MYDGF: variants seen among roughly 807,000 people sequenced by gnomAD.
The protein encoded by MYDGF is myeloid derived growth factor.
MYDGF carries 29 observed loss-of-function variants against 24.2 expected under a neutral mutation model. The observed-to-expected ratio is 1.20, with a 90% CI of 0.89 to 1.63. The LOEUF (loss-of-function observed/expected upper bound fraction) is 1.63. Among genes scored for constraint, MYDGF ranks in the 40% most tolerant of loss-of-function variants. The pLI is 0.00. For synonymous variants in MYDGF, 105 were observed against 102.5 expected, an observed-to-expected ratio of 1.02 and a Z score of -0.15; for missense variants, 245 against 234.8, an observed-to-expected ratio of 1.04 and a Z score of -0.29.
intron 2 of MYDGF, among the ~76,000 whole-genome samples, chr19:4,667,126 T>C (rs1396500601): frequency 1.5e-5 from 2 of 136,856 alleles, no homozygotes; most frequent in Non-Finnish European, 3.2e-5. Flanking sequence ...TCACCCTTTT[T>C]TTTTTTTTTT....
chr19:4,661,839 G>A (rs2088473584), intron 3 of MYDGF, among the ~76,000 whole-genome samples: 1 of 152,086 alleles, frequency 6.6e-6, no homozygotes, highest in Non-Finnish European at 1.5e-5. Flanking sequence ...CTTTTGTGGG[G>A]GTTGGACAGG....
chr19:4,658,781 AT>A (rs2088445124), intron 5 of MYDGF, among the ~76,000 whole-genome samples: 1 of 151,888 alleles, frequency 6.6e-6, no homozygotes, highest in Non-Finnish European at 1.5e-5. Context: ...ACTTTGTTTT[AT>A]TTCATTTATT....
At chr19:4,665,587 C>T (rs113809449) in intron 2 of MYDGF, among the ~76,000 whole-genome samples, 16,541 of 151,890 alleles carry the variant, frequency 0.11, 1,129 homozygotes, top group African/African-American at 0.19. Context: ...TTTGGGAGGC[C>T]GAGGCAGGCA....
chr19:4,668,675 G>A (rs2088539239), intron 1 of MYDGF, 30 bp from the exon 2 acceptor site: 1 of 1,594,746 alleles, frequency 6.3e-7, no homozygotes. Context: ...AAAAGGTTTG[G>A]TAGAAGGAAA....
rs771266970 is a variant in MYDGF, at chr19:4,670,278, C to A, written c.57G>T (p.Leu19=). ...NGVGASLWAA[L]LLGAVALRPA... is the part of the protein sequence containing the mutation. ...GCCTCAGCGCCACGGCCCCTAGGAG[C>A]AGCGCGGCCCACAAGCTCGCGCCGA... Residue 19 remains leucine (L), a synonymous_variant, in exon 1 of 6, where the codon CTG becomes CTT. Coordinates refer to ENST00000262947, the MANE Select transcript of MYDGF (RefSeq NM_019107.4). 2 of 1,535,258 alleles carry A rather than the reference C, an allele frequency of 1.3e-6. No individual in the cohort carries two copies. Among genetic ancestry groups the A allele is most frequent in the Non-Finnish European group, 8.8e-7 (1 of 1,142,630 alleles).
Position 4,660,766 on chromosome 19 carries a change from G to C in MYDGF, c.288-16C>G, listed in dbSNP as rs1420371980. ...CCCCTGGGGCCTGCAGAGGAAGAGG[G>C]GGCGAGGGAGTCAGGCCAGGCCTGC... On this transcript the variant is annotated splice_polypyrimidine_tract_variant and intron_variant, in intron 3 of 5. Transcript: ENST00000262947. The C allele has an allele frequency of 6.2e-7, 1 of 1,610,574 alleles. No individual in the cohort carries two copies. Among genetic ancestry groups the C allele is most frequent in the Admixed American group, 1.7e-5 (1 of 59,934 alleles).
At chr19:4,658,667 G>A (rs934511021) in intron 5 of MYDGF, among the ~76,000 whole-genome samples, 1 of 152,162 alleles carries the variant, frequency 6.6e-6, no homozygotes, top group Non-Finnish European at 1.5e-5. Context: ...TGAGGACACC[G>A]GTGCTGCTCA....
chr19:4,669,935 G>A (rs2088551699), intron 1 of MYDGF, among the ~76,000 whole-genome samples: 1 of 151,984 alleles, frequency 6.6e-6, no homozygotes, highest in Admixed American at 6.5e-5. Context: ...AACGCCGCCG[G>A]GGCCCACAAG....
chr19:4,665,018 G>T (rs769586407), intron 2 of MYDGF, 81 bp from the exon 3 acceptor site: 6 of 1,465,452 alleles, frequency 4.1e-6, no homozygotes, highest in Non-Finnish European at 5.6e-6. Flanking sequence ...TGATTCTACA[G>T]TCAGGCCACC....
intron 4 of MYDGF, 93 bp downstream of exon 4, chr19:4,660,576 G>T: frequency 8.3e-7 from 1 of 1,211,118 alleles, no homozygotes; most frequent in Non-Finnish European, 1.2e-6. Flanking sequence ...TCTCCTCCCT[G>T]TCCCCATGGA....
chr19:4,666,463 A>G (rs924799640), intron 2 of MYDGF, among the ~76,000 whole-genome samples: 7 of 151,760 alleles, frequency 4.6e-5, no homozygotes, highest in Admixed American at 1.3e-4. Flanking sequence ...TTCAGTAGAG[A>G]TGGGGTTTCA....
In MYDGF at chr19:4,660,687, A is replaced by T. The variant is rs564946604; in HGVS notation, c.351T>A (p.Ile117=). The change falls in exon 4 of 6, where the codon ATT becomes ATA. Residue 117 remains isoleucine (I), a synonymous_variant. Coordinates refer to ENST00000262947, the MANE Select transcript of MYDGF (RefSeq NM_019107.4). ...QFKAEVRGAE[I]EYAMAYSKAA... ...TACTCACGTAGGCCATGGCGTACTCAATCTCAGCGCCCCGCACCTCTGCCT... is the reference window on the plus strand; with the variant it reads ...TACTCACGTAGGCCATGGCGTACTCTATCTCAGCGCCCCGCACCTCTGCCT... 2.0e-5 allele frequency: 33 copies of T among 1,614,006 alleles called. No individual in the cohort carries two copies. In the African/African-American group the frequency reaches 3.9e-4, roughly 19 times the overall value.
chr19:4,667,492 G>C (rs2088530888), intron 2 of MYDGF, among the ~76,000 whole-genome samples: 1 of 151,962 alleles, frequency 6.6e-6, no homozygotes. Flanking sequence ...GGCTGGTCTG[G>C]AGCTCCTGAC....
At chr19:4,658,176 C>T (rs1425441532) in intron 5 of MYDGF, 92 bp from the exon 6 acceptor site, 2 of 1,108,896 alleles carry the variant, frequency 1.8e-6, no homozygotes, top group Non-Finnish European at 2.6e-6. Flanking sequence ...GGGGGCTAAG[C>T]AGGCAAGGGG....
chr19:4,662,273 A>G (rs2088476879), intron 3 of MYDGF, among the ~76,000 whole-genome samples: 1 of 152,156 alleles, frequency 6.6e-6, no homozygotes, highest in Non-Finnish European at 1.5e-5. Context: ...CTTTAACCTG[A>G]CCGCAGTGGT....
intron 4 of MYDGF, among the ~76,000 whole-genome samples, chr19:4,660,240 T>G (rs2088459418): frequency 6.6e-6 from 1 of 152,040 alleles, no homozygotes; most frequent in Non-Finnish European, 1.5e-5. Context: ...ATCCTCCTGC[T>G]GCGGCCTCCT....
intron 2 of MYDGF, among the ~76,000 whole-genome samples, chr19:4,666,589 A>G (rs2088523533): frequency 6.6e-6 from 1 of 151,384 alleles, no homozygotes; most frequent in South Asian, 2.1e-4. Flanking sequence ...TTTTACTTTT[A>G]AGAAAATGGA....
chr19:4,668,871 C>G (rs2088541270), intron 1 of MYDGF, among the ~76,000 whole-genome samples: 1 of 145,728 alleles, frequency 6.9e-6, no homozygotes, highest in African/African-American at 2.6e-5. Flanking sequence ...TTTTTTGAAG[C>G]AGAGTCTTGT....
chr19:4,664,267 C>G (rs1475082259), intron 3 of MYDGF, among the ~76,000 whole-genome samples: 2 of 152,046 alleles, frequency 1.3e-5, no homozygotes, highest in Non-Finnish European at 2.9e-5. Flanking sequence ...AGAAAGTACT[C>G]CATGCAGCTG....
Sources: gnomAD v4.1 joint callset for allele counts (sites outside exome capture counted in the v4.1 genomes callset) on GRCh38, gnomAD v4.1.1 for gene constraint, MANE v1.5 for transcripts, NCBI Gene and HGNC (gene_info 2026-07-23, HGNC 2026-07-21) for gene names.